The following LUM variants were observed in gnomAD, a reference collection of about 807,000 sequenced individuals.
The protein encoded by LUM is KSPG lumican.
A neutral mutation model predicts 20.5 loss-of-function variants in LUM; 13 were observed. The ratio of observed to expected loss-of-function variants is 0.63; its 90% CI spans 0.41 to 1.01. The LOEUF is 1.01. Among genes scored for constraint, LUM ranks in the 50% least tolerant of loss-of-function variants. LUM has a pLI of 0.00. For synonymous variants in LUM, 173 were observed against 151.5 expected (o/e 1.14, Z -1.04); for missense variants, 321 against 391.1 (o/e 0.82, Z 1.51).
In LUM at chr12:91,108,162, T is replaced by C. The variant is rs201548822; in HGVS notation, c.818A>G (p.Asn273Ser). Residue 273 changes from asparagine to serine, a missense_variant, in exon 2 of 3, where the codon AAT (asparagine) becomes AGT (serine). Transcript: ENST00000266718. The surrounding 1 kb of genome is among the most constrained non-coding windows in gnomAD (Gnocchi z 4.2). ...CAGGTAATAGTTTTCAAGGTTTTCA[T>C]TGACAGTTGGTATGTTTTTAAGCTT... ...YNKLKNIPTV[N>S]ENLENYYLEV... 40 of 1,613,982 alleles carry C rather than the reference T, an allele frequency of 2.5e-5. No homozygotes were observed. The highest frequency in any genetic ancestry group is 3.3e-5 in the Non-Finnish European group (39 of 1,179,974).
In LUM at chr12:91,108,825, T is replaced by C. The variant is rs140850607; in HGVS notation, c.155A>G (p.Tyr52Cys). The C allele has an allele frequency of 6.2e-7, 1 of 1,613,960 alleles. No individual in the cohort carries two copies. The highest frequency in any genetic ancestry group is 1.3e-5 in the African/African-American group (1 of 74,910). The change falls in exon 2 of 3, where the codon TAC becomes TGC. Residue 52 changes from tyrosine (Y) to cysteine (C), a missense_variant. Transcript: ENST00000266718. The surrounding 1 kb of genome is among the most constrained non-coding windows in gnomAD (Gnocchi z 4.2). ...ACTTTTCAATTTCAGCTCATCACAG[T>C]ACATGGCACTTGGGTAGCTTTCAGG... Reference protein sequence around the residue: ...NCPESYPSAMYCDELKLKSVP... With the variant: ...NCPESYPSAMCCDELKLKSVP...
chr12:91,109,931 T>C (rs752739199), intron 1 of LUM, among the ~76,000 whole-genome samples: 37 of 152,288 alleles, frequency 2.4e-4, no homozygotes, highest in Middle Eastern at 6.8e-3. Context: ...AGGTGTGATG[T>C]TTTTAAAGTT....
At chr12:91,105,843 T>A (rs939194196) in intron 2 of LUM, among the ~76,000 whole-genome samples, 23 of 152,216 alleles carry the variant, frequency 1.5e-4, no homozygotes, top group African/African-American at 5.5e-4. Context: ...CCTTCTTTGT[T>A]TCAGAGAAAG....
chr12:91,104,600 G>C (rs534918007), intron 2 of LUM, among the ~76,000 whole-genome samples: 5 of 151,976 alleles, frequency 3.3e-5, no homozygotes, highest in African/African-American at 1.2e-4. Context: ...TTTTAAAAAG[G>C]CATTCAATAA....
chr12:91,109,447 C>G (rs557438851), intron 1 of LUM, among the ~76,000 whole-genome samples: 3 of 152,238 alleles, frequency 2.0e-5, no homozygotes, highest in African/African-American at 7.2e-5. Context: ...GAAGAAGATC[C>G]TTACGGGAAT....
At position 91,107,371 on chromosome 12, in the gene LUM, AAGAG is replaced by A. The variant is rs752887695; in HGVS notation, c.862+743_862+746del. On this transcript the variant is annotated intron_variant, in intron 2 of 2. Coordinates refer to ENST00000266718, the MANE Select transcript of LUM (RefSeq NM_002345.4). Reference sequence around the variant, plus strand: ...GGAAAGAAAGGAAGGAAGAAAGAAAAAGAGAGAGAGAGGGAGGGAGGGAGGGACA... The same window carrying A: ...GGAAAGAAAGGAAGGAAGAAAGAAAAAGAGAGAGGGAGGGAGGGAGGGACA... Among the ~76,000 whole-genome samples, 50 of 148,224 alleles carry A rather than the reference AAGAG, an allele frequency of 3.4e-4. 1 individual carries two copies. The highest frequency in any genetic ancestry group is 1.5e-3 in the East Asian group (7 of 4,778).
Position 91,104,326 on chromosome 12 carries a change from A to G in LUM, c.863-7T>C. ...AAGCTCTTTATGTCAAACTCTAAAAATTAAAGAATAGAAAACATTAATCAT... is the reference window on the plus strand; with the variant it reads ...AAGCTCTTTATGTCAAACTCTAAAAGTTAAAGAATAGAAAACATTAATCAT... On this transcript the variant is annotated splice_region_variant and splice_polypyrimidine_tract_variant and intron_variant, in intron 2 of 2. Transcript: ENST00000266718. 1 of 1,603,296 alleles carries G rather than the reference A, an allele frequency of 6.2e-7. No homozygotes were observed. Among genetic ancestry groups the G allele is most frequent in the Non-Finnish European group, 8.5e-7 (1 of 1,171,540 alleles).
intron 2 of LUM, among the ~76,000 whole-genome samples, chr12:91,107,197 G>GAAAA (rs140231552): frequency 9.7e-5 from 1 of 10,292 alleles, no homozygotes; most frequent in Non-Finnish European, 1.9e-4. Flanking sequence ...AAGAAGGAAA[G>GAAAA]AAAAAGAAAG....
chr12:91,108,313 C>A lies in LUM; in HGVS notation c.667G>T (p.Glu223Ter). The A allele has an allele frequency of 1.2e-6, 2 of 1,614,138 alleles. No homozygotes were observed. The highest frequency in any genetic ancestry group is 2.2e-5 in the East Asian group (1 of 44,874). Residue 223 changes from glutamate (E) to a stop codon, truncating the protein, a stop_gained, in exon 2 of 3, where the codon GAG becomes TAG. Coordinates refer to ENST00000266718, the MANE Select transcript of LUM (RefSeq NM_002345.4). LOFTEE classifies it high-confidence loss of function. The surrounding 1 kb of genome is among the most constrained non-coding windows in gnomAD (Gnocchi z 4.2). ...DNNKISNIPD[E>*]YFKRFNALQY... ...AATGCATTAAAACGCTTGAAATACT[C>A]ATCAGGGATGTTGCTGATCTTATTG... is the stretch of plus-strand genomic sequence containing the variant.
At chr12:91,109,319 GTTCA>G (rs1403228504) in intron 1 of LUM, among the ~76,000 whole-genome samples, 1 of 152,154 alleles carries the variant, frequency 6.6e-6, no homozygotes, top group African/African-American at 2.4e-5. Flanking sequence ...TCTGGGTGGT[GTTCA>G]TTGACCACCG....
intron 2 of LUM, among the ~76,000 whole-genome samples, chr12:91,107,293 GAAAGAAAGAAAGAAAGAA>G (rs1565758441): frequency 1.2e-4 from 11 of 95,118 alleles, no homozygotes; most frequent in African/African-American, 4.2e-4. Context: ...GAAAGAGAAA[GAAAGAAAGAAAGAAAGAA>G]AGAAAGAAAG....
chr12:91,105,571 G>T (rs887237652), intron 2 of LUM, among the ~76,000 whole-genome samples: 3 of 152,118 alleles, frequency 2.0e-5, no homozygotes, highest in Admixed American at 6.5e-5. Flanking sequence ...GTGAAATGTT[G>T]ATATAGTTGA....
In LUM at chr12:91,108,967, C is replaced by G; in HGVS notation, c.13G>C (p.Ala5Pro). MSLS[A>P]FTLFLALIGG... Reference sequence around the variant, plus strand: ...ATCAATGCCAGGAAGAGAGTAAATGCACTTAGACTCATTTTTGGCAAATGG... The same window carrying G: ...ATCAATGCCAGGAAGAGAGTAAATGGACTTAGACTCATTTTTGGCAAATGG... Residue 5 changes from alanine to proline, a missense_variant, in exon 2 of 3, where the codon GCA becomes CCA. By Grantham distance (27) the Ala-to-Pro change is conservative. Coordinates refer to ENST00000266718, the MANE Select transcript of LUM (RefSeq NM_002345.4). The surrounding 1 kb of genome is among the most constrained non-coding windows in gnomAD (Gnocchi z 4.2). The G allele has an allele frequency of 1.2e-6, 2 of 1,612,244 alleles. No individual in the cohort carries two copies. The highest frequency in any genetic ancestry group is 1.7e-6 in the Non-Finnish European group (2 of 1,179,094).
intron 2 of LUM, among the ~76,000 whole-genome samples, chr12:91,107,298 A>AG (rs1491109915): frequency 7.8e-5 from 10 of 128,976 alleles, no homozygotes; most frequent in African/African-American, 3.1e-4. Flanking sequence ...AGAAAGAAAG[A>AG]AAGAAAGAAA....
rs1655839954 is a variant in LUM, at chr12:91,103,036, T to A, written c.*1129A>T. The stretch of plus-strand genomic sequence containing the variant: ...AAACAGAAGTTATTTTTATAAATTA[T>A]ATGCAGAGTATTTATCATTGTATAG... On this transcript the variant is annotated 3_prime_UTR_variant, in exon 3 of 3. Coordinates refer to ENST00000266718, the MANE Select transcript of LUM (RefSeq NM_002345.4). 6.6e-6 allele frequency: 1 copy of A among 152,124 alleles called. No individual in the cohort carries two copies. Among genetic ancestry groups the A allele is most frequent in the African/African-American group, 2.4e-5 (1 of 41,468 alleles). The allele number at this position is 152,124 out of a possible 1,614,324, so 9.4% of individuals were successfully genotyped here.
At chr12:91,106,834 A>T (rs962916204) in intron 2 of LUM, among the ~76,000 whole-genome samples, 2 of 152,036 alleles carry the variant, frequency 1.3e-5, no homozygotes, top group African/African-American at 4.8e-5. Flanking sequence ...ATGACAGCAG[A>T]GTAACATGGT....
chr12:91,104,387 TTA>T, intron 2 of LUM, 68 bp from the exon 3 acceptor site: 1 of 1,067,714 alleles, frequency 9.4e-7, no homozygotes, highest in Non-Finnish European at 1.4e-6. Context: ...TACAAAAAAT[TTA>T]TGTTTAATAT....
chr12:91,105,307 A>T (rs1246485711), intron 2 of LUM, among the ~76,000 whole-genome samples: 1 of 152,166 alleles, frequency 6.6e-6, no homozygotes, highest in African/African-American at 2.4e-5. Context: ...TAACACATCT[A>T]TCTTACCGTG....
intron 2 of LUM, among the ~76,000 whole-genome samples, chr12:91,106,028 AAAC>A (rs1880023429): frequency 6.6e-6 from 1 of 152,204 alleles, no homozygotes; most frequent in Non-Finnish European, 1.5e-5. Context: ...TTTCCACTGG[AAAC>A]AACAAGAGGG....
Sources: allele counts gnomAD v4.1 joint callset (sites outside exome capture counted in the v4.1 genomes callset), GRCh38; gene constraint gnomAD v4.1.1; non-coding constraint Gnocchi (gnomAD v3.1); transcripts MANE v1.5; gene names NCBI Gene and HGNC (gene_info 2026-07-23, HGNC 2026-07-21).